CLIC4: variants seen among roughly 807,000 people sequenced by gnomAD.
CLIC4 encodes CLIC family member 4.
Under a neutral mutation model 24.6 loss-of-function variants are expected in CLIC4, and 13 were observed. That is an observed-to-expected ratio of 0.53 (90% CI 0.34 to 0.84). The LOEUF (loss-of-function observed/expected upper bound fraction) is 0.84, where lower values mean the gene tolerates loss of function less well. CLIC4 is among the 40% of genes least tolerant of loss of function. The pLI, the probability that CLIC4 is intolerant of heterozygous loss-of-function variation, is 0.01. For missense variants in CLIC4, 227 were observed against 301.7 expected, an observed-to-expected ratio of 0.75 and a Z score of 1.83; for synonymous variants, 104 against 111.3, an observed-to-expected ratio of 0.93 and a Z score of 0.41.
At chr1:24,822,825 G>C (rs538494486) in intron 3 of CLIC4, among the ~76,000 whole-genome samples, 28 of 152,272 alleles carry the variant, frequency 1.8e-4, no homozygotes, top group African/African-American at 6.0e-4. Flanking sequence ...ATTGTTTCTA[G>C]GGGATGAGTG....
In CLIC4 at chr1:24,791,880, A is replaced by T. The variant is rs567190561; in HGVS notation, c.73-5862A>T. Among the ~76,000 whole-genome samples the T allele has an allele frequency of 9.8e-4, 147 of 150,750 alleles. 1 individual carries two copies. The highest frequency in any genetic ancestry group is 3.1e-3 in the African/African-American group (126 of 40,710). ...GACAAGAGTGAAACTCCATCTCAAA[A>T]AAATAAATAAATAAATAAATAAGCC... On this transcript the variant is annotated intron_variant, in intron 1 of 5. Transcript: ENST00000374379.
At chr1:24,829,565 A>T (rs1262305225) in intron 4 of CLIC4, among the ~76,000 whole-genome samples, 2 of 152,134 alleles carry the variant, frequency 1.3e-5, no homozygotes, top group Non-Finnish European at 2.9e-5. Context: ...TGATGGCATT[A>T]ATTTATGTAA....
intron 4 of CLIC4, among the ~76,000 whole-genome samples, chr1:24,835,035 A>C (rs901845936): frequency 6.6e-6 from 1 of 152,052 alleles, no homozygotes; most frequent in African/African-American, 2.4e-5. Flanking sequence ...TTTTATTTTT[A>C]AGTGGCTTGT....
At chr1:24,821,475 A>G (rs1343472013) in intron 3 of CLIC4, among the ~76,000 whole-genome samples, 1 of 152,182 alleles carries the variant, frequency 6.6e-6, no homozygotes, top group East Asian at 1.9e-4. Flanking sequence ...TCTTTGTGTT[A>G]TAAATGTTCA....
At position 24,780,458 on chromosome 1, in the gene CLIC4, G is replaced by A. The variant is rs192166995; in HGVS notation, c.73-17284G>A. 4.6e-4 allele frequency among the ~76,000 whole-genome samples: 70 copies of A among 152,212 alleles called. 1 individual carries two copies. Among genetic ancestry groups the A allele is most frequent in the African/African-American group, 1.3e-3 (52 of 41,542 alleles). Reference sequence around the variant, plus strand: ...GGTCTAGAAAATCTTTCACGATCTGGCCCCTGCCAACACCACTTTCTCATG... The same window carrying A: ...GGTCTAGAAAATCTTTCACGATCTGACCCCTGCCAACACCACTTTCTCATG... On this transcript the variant is annotated intron_variant, in intron 1 of 5. Coordinates refer to ENST00000374379, the MANE Select transcript of CLIC4 (RefSeq NM_013943.3).
intron 1 of CLIC4, among the ~76,000 whole-genome samples, chr1:24,747,533 C>CAAA (rs35626709): frequency 4.0e-4 from 37 of 92,604 alleles, no homozygotes; most frequent in East Asian, 1.2e-3. Context: ...GACTCCATCT[C>CAAA]AAAAAAAAAA....
At chr1:24,766,525 A>G (rs1206903506) in intron 1 of CLIC4, among the ~76,000 whole-genome samples, 3 of 76,514 alleles carry the variant, frequency 3.9e-5, no homozygotes, top group Non-Finnish European at 6.7e-5. Context: ...TTTTTTTGAG[A>G]CGGGGTCTCA....
intron 3 of CLIC4, among the ~76,000 whole-genome samples, chr1:24,823,162 A>G (rs1639751858): frequency 6.6e-6 from 1 of 152,248 alleles, no homozygotes; most frequent in South Asian, 2.1e-4. Context: ...AAATATAAAT[A>G]CAGGCAATTG....
At position 24,843,075 on chromosome 1, in the gene CLIC4, TCTC is replaced by T; in HGVS notation, c.*2141_*2143del. 1 of 152,316 alleles carries T rather than the reference TCTC, an allele frequency of 6.6e-6. No homozygotes were observed. The highest frequency in any genetic ancestry group is 2.4e-5 in the African/African-American group (1 of 41,580). The allele number at this position is 152,316 out of a possible 1,614,324, so 9.4% of individuals were successfully genotyped here. On this transcript the variant is annotated 3_prime_UTR_variant, in exon 6 of 6. Transcript: ENST00000374379. The stretch of plus-strand genomic sequence containing the variant: ...ACTCAAATATTTTCATTTTGGATAT[TCTC>T]CTGTTTTTATTAAACCAGTGATTAC...
At chr1:24,805,103 A>AAC (rs1553192973) in intron 2 of CLIC4, among the ~76,000 whole-genome samples, 5 of 124,678 alleles carry the variant, frequency 4.0e-5, no homozygotes, top group South Asian at 2.8e-4. Context: ...AAAAAAAAAA[A>AAC]AACACAAAAA....
At chr1:24,807,277 GT>G (rs757943536) in intron 2 of CLIC4, among the ~76,000 whole-genome samples, 60 of 142,294 alleles carry the variant, frequency 4.2e-4, no homozygotes, top group East Asian at 6.1e-4. Context: ...CTTTGGGTTT[GT>G]TTTTTTTTTT....
chr1:24,784,087 T>C (rs561847321), intron 1 of CLIC4, among the ~76,000 whole-genome samples: 18 of 152,254 alleles, frequency 1.2e-4, no homozygotes, highest in Non-Finnish European at 1.6e-4. Flanking sequence ...ATTCATTCTT[T>C]AACTTGTGTT....
intron 4 of CLIC4, among the ~76,000 whole-genome samples, chr1:24,828,278 A>G (rs1168530913): frequency 6.6e-6 from 1 of 152,314 alleles, no homozygotes; most frequent in East Asian, 1.9e-4. Flanking sequence ...AAAAAGGGAA[A>G]AATGTTAGTG....
At chr1:24,818,228 A>G (rs755701737) in intron 3 of CLIC4, among the ~76,000 whole-genome samples, 2 of 152,174 alleles carry the variant, frequency 1.3e-5, no homozygotes, top group African/African-American at 2.4e-5. Flanking sequence ...GCAAAGCTCA[A>G]TAAAGCAAAG....
intron 1 of CLIC4, among the ~76,000 whole-genome samples, chr1:24,775,224 C>CTTTTTTTTTTTTTTTTTTTTCTTTT: frequency 3.3e-5 from 3 of 90,664 alleles, no homozygotes; most frequent in African/African-American, 8.7e-5. Flanking sequence ...TTCTTTCTTT[C>CTTTTTTTTTTTTTTTTTTTTCTTTT]TTTTTTTTTT....
At chr1:24,828,453 AGT>A (rs926887224) in intron 4 of CLIC4, among the ~76,000 whole-genome samples, 3 of 152,154 alleles carry the variant, frequency 2.0e-5, no homozygotes, top group Non-Finnish European at 4.4e-5. Flanking sequence ...TTCCACAGAC[AGT>A]GTCTTTTCTG....
At chr1:24,765,938 A>G (rs1268352196) in intron 1 of CLIC4, among the ~76,000 whole-genome samples, 3 of 150,878 alleles carry the variant, frequency 2.0e-5, no homozygotes, top group Non-Finnish European at 3.0e-5. Flanking sequence ...CAGCCTCCCA[A>G]CTAGCTGGGA....
chr1:24,757,533 A>G (rs1161736087), intron 1 of CLIC4, among the ~76,000 whole-genome samples: 1 of 152,124 alleles, frequency 6.6e-6, no homozygotes, highest in Non-Finnish European at 1.5e-5. Flanking sequence ...TGAGCCCAGG[A>G]GTTCGAGACC....
intron 1 of CLIC4, among the ~76,000 whole-genome samples, chr1:24,778,907 A>G (rs957698120): frequency 3.3e-5 from 5 of 152,230 alleles, no homozygotes; most frequent in African/African-American, 9.6e-5. Flanking sequence ...ATATACTTCA[A>G]GCAAGTAACA....
Sources: allele counts gnomAD v4.1 joint callset (sites outside exome capture counted in the v4.1 genomes callset), GRCh38; gene constraint gnomAD v4.1.1; transcripts MANE v1.5; gene names NCBI Gene and HGNC (gene_info 2026-07-23, HGNC 2026-07-21).